The following ARID2 variants were observed in gnomAD, a reference collection of about 807,000 sequenced individuals.
ARID2 encodes AT-rich interactive domain-containing protein 2.
Under a neutral mutation model 184.6 loss-of-function variants are expected in ARID2, and 32 were observed. The ratio of observed to expected loss-of-function variants is 0.17; its 90% confidence interval spans 0.13 to 0.23. ARID2 has a LOEUF of 0.23. Among genes scored for constraint, ARID2 ranks in the 10% least tolerant of loss-of-function variants. The pLI is 1.00. For synonymous variants in ARID2, 836 were observed against 772.6 expected, an observed-to-expected ratio of 1.08 and a Z score of -1.36; for missense variants, 1,696 against 2,197.6, an observed-to-expected ratio of 0.77 and a Z score of 4.56.
chr12:45,811,835 C>T (rs774173321), intron 4 of ARID2, among the ~76,000 whole-genome samples: 7 of 152,058 alleles, frequency 4.6e-5, no homozygotes, highest in Non-Finnish European at 8.8e-5. Flanking sequence ...TAAATAGTCA[C>T]TAAAATAAGA....
intron 3 of ARID2, among the ~76,000 whole-genome samples, chr12:45,784,540 T>TG (rs1942159360): frequency 6.6e-6 from 1 of 152,158 alleles, no homozygotes; most frequent in African/African-American, 2.4e-5. Flanking sequence ...TAGCTGGGTA[T>TG]GGTCCCAGCT....
chr12:45,843,246 T>C (rs924991252), intron 11 of ARID2, among the ~76,000 whole-genome samples: 2 of 149,998 alleles, frequency 1.3e-5, no homozygotes, highest in African/African-American at 5.1e-5. Flanking sequence ...TAACCTGATA[T>C]ATTCAAGAAG....
rs1555155083 is a variant in ARID2 at position 45,851,033 on chromosome 12, A to G, written c.2910A>G (p.Pro970=). Residue 970 remains proline, a synonymous_variant, in exon 15 of 21, where the codon CCA becomes CCG. Transcript: ENST00000334344. ...TAACTGGACAACCTAACATAACTCC[A>G]TCTTCTTCACCATCACCTGTCCCAG... ...VQLTGQPNIT[P]SSSPSPVPAT... is the part of the protein sequence containing the mutation. 1.2e-6 allele frequency: 2 copies of G among 1,614,116 alleles called. No individual in the cohort carries two copies. The highest frequency in any genetic ancestry group is 2.2e-5 in the East Asian group (1 of 44,872).
Position 45,849,640 on chromosome 12 carries a change from A to T in ARID2, c.1776A>T (p.Ala592=), listed in dbSNP as rs781075288. 1 of 1,613,784 alleles carries T rather than the reference A, an allele frequency of 6.2e-7. No homozygotes were observed. ...AGGATTCCAGTAGCAATGGGCAGGC[A>T]CATATTCATGTGGTAGGAGTAAAAC... ...RVEDSSSNGQ[A]HIHVVGVKRR... is the part of the protein sequence containing the mutation. The change falls in exon 14 of 21, where the codon GCA becomes GCT. Residue 592 remains alanine, a synonymous_variant. Transcript: ENST00000334344.
At chr12:45,839,263 T>C (rs2138136065) in intron 10 of ARID2, 66 bp from the exon 11 acceptor site, 1 of 1,396,474 alleles carries the variant, frequency 7.2e-7, no homozygotes, top group Non-Finnish European at 9.8e-7. Context: ...ACAACATGTG[T>C]TCACCAGTGA....
chr12:45,744,533 C>T (rs1277782133), intron 3 of ARID2, among the ~76,000 whole-genome samples: 1 of 152,104 alleles, frequency 6.6e-6, no homozygotes, highest in Non-Finnish European at 1.5e-5. Flanking sequence ...AAGTCAGCTA[C>T]AGTGCTGATA....
chr12:45,792,766 TTAAA>T (rs1289516364), intron 3 of ARID2, among the ~76,000 whole-genome samples: 2 of 152,086 alleles, frequency 1.3e-5, no homozygotes, highest in Non-Finnish European at 2.9e-5. Flanking sequence ...TTAAAATGAG[TTAAA>T]TATAGTATTA....
At chr12:45,842,345 GTA>G (rs1023442020) in intron 11 of ARID2, 6 of 149,100 alleles carry the variant, frequency 4.0e-5, no homozygotes, top group African/African-American at 1.5e-4. Context: ...ACATGTATAT[GTA>G]TATATGTGTA....
chr12:45,817,728 T>C lies in ARID2; in HGVS notation c.477T>C (p.Asn159=). ...SMDFNSPNDY[N]KLVLSLLSGL... ...ACTTTAATTCGCCAAATGATTATAA[T>C]AAATTGGTGCTTTCACTGTTATCTG... Residue 159 remains asparagine (N), a synonymous_variant, in exon 5 of 21, where the codon AAT becomes AAC. Transcript: ENST00000334344. 6.2e-7 allele frequency: 1 copy of C among 1,613,032 alleles called. No homozygotes were observed. Among genetic ancestry groups the C allele is most frequent in the Non-Finnish European group, 8.5e-7 (1 of 1,179,810 alleles).
At chr12:45,897,027 A>T (rs1225138393) in intron 20 of ARID2, among the ~76,000 whole-genome samples, 1 of 152,200 alleles carries the variant, frequency 6.6e-6, no homozygotes, top group Non-Finnish European at 1.5e-5. Flanking sequence ...CCCACTTCTG[A>T]TTTACTACAA....
intron 3 of ARID2, among the ~76,000 whole-genome samples, chr12:45,747,231 T>TA (rs1565580932): frequency 6.6e-6 from 1 of 152,232 alleles, no homozygotes; most frequent in Admixed American, 6.5e-5. Flanking sequence ...TATTTTTATT[T>TA]AAAAAATTCT....
intron 20 of ARID2, among the ~76,000 whole-genome samples, chr12:45,895,412 G>A (rs1266199447): frequency 6.6e-6 from 1 of 152,184 alleles, no homozygotes; most frequent in Non-Finnish European, 1.5e-5. Context: ...CTCTTTGAAG[G>A]TAGGGATTCA....
chr12:45,783,639 C>T (rs949356056), intron 3 of ARID2, among the ~76,000 whole-genome samples: 3 of 152,232 alleles, frequency 2.0e-5, no homozygotes, highest in Non-Finnish European at 4.4e-5. Context: ...ATGCGCAGTT[C>T]ACAGTAGGGT....
intron 20 of ARID2, among the ~76,000 whole-genome samples, chr12:45,899,305 C>T (rs1291913451): frequency 3.1e-5 from 4 of 128,684 alleles, no homozygotes; most frequent in Admixed American, 1.6e-4. Context: ...AAAGTAAGTG[C>T]TACAAAAGTT....
intron 12 of ARID2, among the ~76,000 whole-genome samples, chr12:45,848,354 G>A (rs902560364): frequency 1.3e-5 from 2 of 151,992 alleles, no homozygotes; most frequent in Admixed American, 1.3e-4. Context: ...ATTGTTTTAG[G>A]AAGTAGCTGA....
intron 3 of ARID2, 86 bp downstream of exon 3, chr12:45,731,400 G>T: frequency 1.1e-6 from 1 of 893,248 alleles, no homozygotes; most frequent in South Asian, 1.4e-5. Context: ...AGCAAACCTT[G>T]CACACCAAAC....
chr12:45,733,509 T>A (rs1426711344), intron 3 of ARID2, among the ~76,000 whole-genome samples: 1 of 152,206 alleles, frequency 6.6e-6, no homozygotes, highest in Non-Finnish European at 1.5e-5. Context: ...ATGCAGTGTG[T>A]TTTTTAAATT....
chr12:45,738,779 C>CTTTTTT lies in ARID2; in HGVS notation c.284+7494_284+7499dup, dbSNP rs11333868. ...TTTTCTTCCTGGGGCATATGGGCTA[C>CTTTTTT]TTTTTTTTTTTTTTTTTTTTTTTTT... On this transcript the variant is annotated intron_variant, in intron 3 of 20. Transcript: ENST00000334344. Among the ~76,000 whole-genome samples, 222 of 62,250 alleles carry CTTTTTT rather than the reference C, an allele frequency of 3.6e-3. 26 individuals carry two copies. The highest frequency in any genetic ancestry group is 0.019 in the East Asian group (17 of 878). 40.8% of individuals were successfully genotyped at this position (62,250 alleles called of 152,430 possible).
At chr12:45,809,528 C>G (rs1056813933) in intron 3 of ARID2, among the ~76,000 whole-genome samples, 5 of 152,078 alleles carry the variant, frequency 3.3e-5, no homozygotes, top group African/African-American at 4.8e-5. Context: ...GTTTTGTGTT[C>G]TTAGACTGTA....
Sources: gnomAD v4.1 joint callset for allele counts (sites outside exome capture counted in the v4.1 genomes callset) on GRCh38, gnomAD v4.1.1 for gene constraint, MANE v1.5 for transcripts, NCBI Gene and HGNC (gene_info 2026-07-23, HGNC 2026-07-21) for gene names.